Variants in KCNA6 observed in about 807,000 individuals in gnomAD.
KCNA6 encodes the protein potassium voltage-gated channel subfamily A member 6, also known as human brain potassium channel-2.
KCNA6 carries 17 observed loss-of-function variants against 29.5 expected under a neutral mutation model. The ratio of observed to expected loss-of-function variants is 0.58; its 90% confidence interval spans 0.39 to 0.86. The LOEUF is 0.86. Ranked by LOEUF, KCNA6 falls within the 40% of genes least tolerant of loss-of-function variation. KCNA6 has a pLI of 0.00. For synonymous variants in KCNA6, 296 were observed against 304.7 expected, an observed-to-expected ratio of 0.97 and a Z score of 0.30; for missense variants, 450 against 703.4, an observed-to-expected ratio of 0.64 and a Z score of 4.07.
chr12:4,832,966 T>C, the KCNA6 span, among the ~76,000 whole-genome samples: 2 of 152,122 alleles, frequency 1.3e-5, no homozygotes, highest in Non-Finnish European at 2.9e-5. Flanking sequence ...GTCTTAAGTG[T>C]AGTTGGGCTG....
the KCNA6 span, among the ~76,000 whole-genome samples, chr12:4,846,821 C>A: frequency 7.0e-6 from 1 of 142,202 alleles, no homozygotes; most frequent in Non-Finnish European, 1.5e-5. Flanking sequence ...CTCTGTTGCC[C>A]AGGCTGGAGT....
At chr12:4,820,308 A>G in the KCNA6 span, among the ~76,000 whole-genome samples, 183 of 152,294 alleles carry the variant, frequency 1.2e-3, 1 homozygote, top group Middle Eastern at 6.8e-3. Flanking sequence ...TTTCCAGCCA[A>G]ACTAGAATGA....
downstream of KCNA6, among the ~76,000 whole-genome samples, chr12:4,816,027 T>C (rs962278762): frequency 2.0e-5 from 3 of 152,146 alleles, no homozygotes; most frequent in African/African-American, 7.2e-5. Context: ...CCCAAAATCA[T>C]TGAATTGTGA....
At chr12:4,824,569 A>G in the KCNA6 span, among the ~76,000 whole-genome samples, 1 of 152,214 alleles carries the variant, frequency 6.6e-6, no homozygotes, top group Non-Finnish European at 1.5e-5. Flanking sequence ...GAAGTGACTT[A>G]CCCATTGAGA....
chr12:4,834,032 G>T, the KCNA6 span, among the ~76,000 whole-genome samples: 1 of 151,640 alleles, frequency 6.6e-6, no homozygotes, highest in African/African-American at 2.4e-5. Context: ...AGGCCCAAGG[G>T]CTCCTCTCAC....
chr12:4,829,012 G>A, the KCNA6 span, among the ~76,000 whole-genome samples: 186 of 152,324 alleles, frequency 1.2e-3, 1 homozygote, highest in African/African-American at 4.4e-3. Flanking sequence ...GTGAGTGCAT[G>A]TGCATGGATA....
chr12:4,838,336 C>T, the KCNA6 span, among the ~76,000 whole-genome samples: 4 of 152,192 alleles, frequency 2.6e-5, no homozygotes, highest in Non-Finnish European at 4.4e-5. Flanking sequence ...CCTCGTGGCT[C>T]CTGGCTTGTC....
At chr12:4,837,077 C>G in the KCNA6 span, among the ~76,000 whole-genome samples, 17 of 152,248 alleles carry the variant, frequency 1.1e-4, no homozygotes, top group Middle Eastern at 3.4e-3. Flanking sequence ...TCCTGCCCCC[C>G]ACAAGGGGTG....
At chr12:4,834,785 G>T in the KCNA6 span, among the ~76,000 whole-genome samples, 3 of 152,164 alleles carry the variant, frequency 2.0e-5, no homozygotes, top group African/African-American at 7.2e-5. Flanking sequence ...ATCGACCTTG[G>T]AGCCAAAATC....
At chr12:4,847,006 G>A in the KCNA6 span, among the ~76,000 whole-genome samples, 1 of 150,394 alleles carries the variant, frequency 6.6e-6, no homozygotes, top group Non-Finnish European at 1.5e-5. Flanking sequence ...GGATGGTCTC[G>A]ATCTCCTAAC....
At chr12:4,843,356 A>AT in the KCNA6 span, among the ~76,000 whole-genome samples, 2 of 151,550 alleles carry the variant, frequency 1.3e-5, no homozygotes, top group Non-Finnish European at 2.9e-5. Flanking sequence ...AATTTTTTGT[A>AT]TTTTTAGTAG....
At chr12:4,842,111 A>C in the KCNA6 span, among the ~76,000 whole-genome samples, 4 of 151,298 alleles carry the variant, frequency 2.6e-5, no homozygotes, top group Non-Finnish European at 5.9e-5. Context: ...CATTAAGCCC[A>C]AATGTAAAAT....
At chr12:4,818,952 A>G in the KCNA6 span, among the ~76,000 whole-genome samples, 2 of 152,182 alleles carry the variant, frequency 1.3e-5, no homozygotes, top group East Asian at 1.9e-4. Flanking sequence ...ACACATACAC[A>G]TATATACACA....
chr12:4,824,000 T>C, the KCNA6 span, among the ~76,000 whole-genome samples: 1 of 152,164 alleles, frequency 6.6e-6, no homozygotes, highest in South Asian at 2.1e-4. Flanking sequence ...CTGTCCACCC[T>C]GAGGAAGTCA....
At chr12:4,848,727 T>C in the KCNA6 span, among the ~76,000 whole-genome samples, 1 of 150,794 alleles carries the variant, frequency 6.6e-6, no homozygotes, top group Non-Finnish European at 1.5e-5. Flanking sequence ...AGAGACGGGG[T>C]TTCTCCATGT....
At chr12:4,822,299 C>A in the KCNA6 span, among the ~76,000 whole-genome samples, 2 of 152,284 alleles carry the variant, frequency 1.3e-5, no homozygotes, top group East Asian at 3.9e-4. Flanking sequence ...CCTGGGGACA[C>A]TGGTGCTTGC....
chr12:4,849,788 CT>C, the KCNA6 span, among the ~76,000 whole-genome samples: 1 of 152,232 alleles, frequency 6.6e-6, no homozygotes, highest in Admixed American at 6.5e-5. Flanking sequence ...ATGATACCAA[CT>C]GGAGTTTATG....
chr12:4,820,390 G>C, the KCNA6 span, among the ~76,000 whole-genome samples: 1 of 151,974 alleles, frequency 6.6e-6, no homozygotes, highest in Non-Finnish European at 1.5e-5. Flanking sequence ...GGCAGTGAAT[G>C]CCTCTTTAGG....
At chr12:4,822,812 C>T in the KCNA6 span, among the ~76,000 whole-genome samples, 6 of 152,208 alleles carry the variant, frequency 3.9e-5, no homozygotes, top group Non-Finnish European at 8.8e-5. Context: ...GGCTGTGCAT[C>T]TGTCTGGTTG....
Sources: allele counts gnomAD v4.1 joint callset (sites outside exome capture counted in the v4.1 genomes callset), GRCh38; gene constraint gnomAD v4.1.1; transcripts MANE v1.5; gene names NCBI Gene and HGNC (gene_info 2026-07-23, HGNC 2026-07-21).